SLC25A30: variants seen among roughly 807,000 people sequenced by gnomAD.
SLC25A30 encodes kidney mitochondrial carrier protein 1.
In SLC25A30, 29 loss-of-function variants were observed where a neutral mutation model predicts 42.7. That is an observed-to-expected ratio of 0.68 (90% confidence interval 0.51 to 0.93). The LOEUF is 0.93. SLC25A30 is among the 40% of genes least tolerant of loss of function. The pLI, the probability that SLC25A30 is intolerant of heterozygous loss-of-function variation, is 0.00. For synonymous variants in SLC25A30, 124 were observed against 131.0 expected, an observed-to-expected ratio of 0.95 and a Z score of 0.37; for missense variants, 300 against 359.7, an observed-to-expected ratio of 0.83 and a Z score of 1.34.
chr13:45,394,460 A>G lies in SLC25A30; in HGVS notation c.*1514T>C. The G allele has an allele frequency of 3.0e-6, 3 of 985,388 alleles. No individual in the cohort carries two copies. The highest frequency in any genetic ancestry group is 3.6e-6 in the Non-Finnish European group (3 of 829,940). 61.0% of individuals were successfully genotyped at this position (985,388 alleles called of 1,614,324 possible). A position where few individuals can be genotyped will look rare whatever the true frequency, so the allele number is the denominator to read the frequency against. Reference sequence around the variant, plus strand: ...GCCAGACTGGGAATTTGGCCGCACTACTGTGGAAGGAGAATGCCCTGGAGC... The same window carrying G: ...GCCAGACTGGGAATTTGGCCGCACTGCTGTGGAAGGAGAATGCCCTGGAGC... On this transcript the variant is annotated 3_prime_UTR_variant, in exon 10 of 10. Coordinates refer to ENST00000519676, the MANE Select transcript of SLC25A30 (RefSeq NM_001010875.4).
At chr13:45,403,194 T>C (rs1882162977) in intron 5 of SLC25A30, among the ~76,000 whole-genome samples, 2 of 152,212 alleles carry the variant, frequency 1.3e-5, no homozygotes, top group Admixed American at 1.3e-4. Context: ...CTGGTAAACT[T>C]ATGGCAAAGG....
At chr13:45,429,388 T>A in the SLC25A30 span, among the ~76,000 whole-genome samples, 3 of 152,026 alleles carry the variant, frequency 2.0e-5, no homozygotes, top group African/African-American at 4.8e-5. Context: ...TCTTAAAGAA[T>A]TGACCTCTTT....
Position 45,397,877 on chromosome 13 carries a change from C to T in SLC25A30, c.754-539G>A. On this transcript the variant is annotated intron_variant, in intron 8 of 9. Coordinates refer to ENST00000519676, the MANE Select transcript of SLC25A30 (RefSeq NM_001010875.4). The stretch of plus-strand genomic sequence containing the variant: ...ATGAACTCCACACAAAGGAGATAAA[C>T]ACTGTTGAGTGAGGAAAAAATTAGA... 6 of 985,536 alleles carry T rather than the reference C, an allele frequency of 6.1e-6. No individual in the cohort carries two copies. The South Asian group carries it at 2.3e-4, about 39-fold the overall frequency. The allele number at this position is 985,536 out of a possible 1,614,324, so 61.0% of individuals were successfully genotyped here. A position where few individuals can be genotyped will look rare whatever the true frequency, so the allele number is the denominator to read the frequency against.
the SLC25A30 span, among the ~76,000 whole-genome samples, chr13:45,432,377 C>T: frequency 0.52 from 79,600 of 151,626 alleles, 21,491 homozygotes; most frequent in African/African-American, 0.6. Context: ...GCTTTTTTAG[C>T]AAGAATTAAA....
At chr13:45,424,827 AATATATATATAAAAAT>A in the SLC25A30 span, among the ~76,000 whole-genome samples, 1 of 54,882 alleles carries the variant, frequency 1.8e-5, no homozygotes, top group Non-Finnish European at 3.1e-5. Context: ...AATATATAAA[AATATATATATAAAAAT>A]ATATATAAAT....
At chr13:45,425,541 T>TATATATATATAAGTATATATATAA in the SLC25A30 span, among the ~76,000 whole-genome samples, 638 of 58,302 alleles carry the variant, frequency 0.011, 29 homozygotes, top group African/African-American at 0.017. Flanking sequence ...TGTATAAGTA[T>TATATATATATAAGTATATATATAA]ATATATATAA....
the SLC25A30 span, among the ~76,000 whole-genome samples, chr13:45,434,000 T>C: frequency 8.5e-5 from 13 of 152,314 alleles, no homozygotes; most frequent in African/African-American, 3.1e-4. Context: ...GGTTCATGCC[T>C]GTAATCCCAG....
chr13:45,416,149 T>C (rs1245049966), intron 1 of SLC25A30, among the ~76,000 whole-genome samples: 2 of 151,812 alleles, frequency 1.3e-5, no homozygotes, highest in African/African-American at 2.4e-5. Flanking sequence ...GGCTCATGCC[T>C]GTAATCCTAG....
At chr13:45,430,114 A>T in the SLC25A30 span, among the ~76,000 whole-genome samples, 3 of 152,248 alleles carry the variant, frequency 2.0e-5, no homozygotes, top group African/African-American at 7.2e-5. Flanking sequence ...TTATATTTTT[A>T]AAAACAAATA....
chr13:45,432,269 CAAA>C, the SLC25A30 span, among the ~76,000 whole-genome samples: 2 of 92,992 alleles, frequency 2.2e-5, no homozygotes, highest in Non-Finnish European at 2.4e-5. Context: ...GACTCTGTTT[CAAA>C]AAAAAAAAAA....
chr13:45,419,615 G>A (rs1883826832), upstream of SLC25A30, among the ~76,000 whole-genome samples: 2 of 150,492 alleles, frequency 1.3e-5, no homozygotes, highest in Non-Finnish European at 1.5e-5. Context: ...CACGGCACCC[G>A]GCTGTGAACT....
rs191886333 is a variant in SLC25A30 at position 45,412,705 on chromosome 13, C to T, written c.-55-1225G>A. On this transcript the variant is annotated intron_variant, in intron 1 of 9. Transcript: ENST00000519676. ...GCCATATATATTTTAAAGACACTCACAAATATTGCCCTCCATCTTCCTTTT... is the reference window on the plus strand; with the variant it reads ...GCCATATATATTTTAAAGACACTCATAAATATTGCCCTCCATCTTCCTTTT... Among the ~76,000 whole-genome samples, 3 of 152,336 alleles carry T rather than the reference C, an allele frequency of 2.0e-5. No homozygotes were observed. In the East Asian group the frequency reaches 5.8e-4, roughly 29 times the overall value.
chr13:45,424,896 A>G, the SLC25A30 span, among the ~76,000 whole-genome samples: 5 of 39,668 alleles, frequency 1.3e-4, no homozygotes, highest in Non-Finnish European at 2.3e-4. Flanking sequence ...ATATATTTAA[A>G]TATATATAAA....
the SLC25A30 span, among the ~76,000 whole-genome samples, chr13:45,430,512 T>C: frequency 6.6e-6 from 1 of 152,072 alleles, no homozygotes; most frequent in African/African-American, 2.4e-5. Flanking sequence ...AATTTTATTT[T>C]TAAGAATATG....
the SLC25A30 span, among the ~76,000 whole-genome samples, chr13:45,433,940 C>T: frequency 2.6e-5 from 4 of 152,120 alleles, no homozygotes; most frequent in South Asian, 8.3e-4. Flanking sequence ...AATGAAAATC[C>T]AGTTTGAAAA....
chr13:45,401,248 C>A, intron 6 of SLC25A30, 41 bp from the exon 7 acceptor site: 1 of 1,603,134 alleles, frequency 6.2e-7, no homozygotes, highest in East Asian at 2.2e-5. Context: ...TCTGATATGC[C>A]TCTGTAGAAC....
the SLC25A30 span, among the ~76,000 whole-genome samples, chr13:45,425,619 T>A: frequency 3.5e-3 from 335 of 96,904 alleles, 31 homozygotes; most frequent in African/African-American, 0.012. Flanking sequence ...CATATATAAA[T>A]ATATATATAA....
At chr13:45,425,547 T>C in the SLC25A30 span, among the ~76,000 whole-genome samples, 88 of 76,012 alleles carry the variant, frequency 1.2e-3, 11 homozygotes, top group South Asian at 0.026. Context: ...AGTATATATA[T>C]ATAAGTATAT....
chr13:45,424,784 A>G, the SLC25A30 span, among the ~76,000 whole-genome samples: 2 of 62,808 alleles, frequency 3.2e-5, no homozygotes, highest in East Asian at 7.4e-4. Flanking sequence ...ATATATAAAT[A>G]TATAAAAGAA....
Sources: gnomAD v4.1 joint callset for allele counts (sites outside exome capture counted in the v4.1 genomes callset) on GRCh38, gnomAD v4.1.1 for gene constraint, MANE v1.5 for transcripts, NCBI Gene and HGNC (gene_info 2026-07-23, HGNC 2026-07-21) for gene names.